The following OAS1 variants were observed in gnomAD, a reference collection of about 807,000 sequenced individuals.
OAS1 encodes the protein 2'-5'-oligoadenylate synthetase 1.
A neutral mutation model predicts 38.5 loss-of-function variants in OAS1; 24 were observed. The ratio of observed to expected loss-of-function variants is 0.62; its 90% CI spans 0.45 to 0.88. The LOEUF is 0.88. Among genes scored for constraint, OAS1 ranks in the 40% least tolerant of loss-of-function variants. The pLI is 0.00. For synonymous variants in OAS1, 169 were observed against 193.9 expected, an observed-to-expected ratio of 0.87 and a Z score of 1.07; for missense variants, 482 against 493.9, an observed-to-expected ratio of 0.98 and a Z score of 0.23.
chr12:112,917,164 G>A (rs746655167), intron 4 of OAS1, among the ~76,000 whole-genome samples: 6 of 152,148 alleles, frequency 3.9e-5, no homozygotes, highest in Non-Finnish European at 7.3e-5. Flanking sequence ...TGTTCTAGTC[G>A]CTGTGCTGAG....
rs1321738528 is a variant in OAS1, at chr12:112,908,708, A to T, written c.353A>T (p.Lys118Met). The change falls in exon 2 of 6, where the codon AAG becomes ATG. Residue 118 changes from lysine to methionine, a missense_variant. By Grantham distance (95) the Lys-to-Met change is moderately conservative. Transcript: ENST00000202917. ...ACQRERAFSV[K>M]FEVQAPRWGN... ...CAAAGAGAGAGAGCATTTTCCGTGA[A>T]GTTTGAGGTCCAGGCTCCACGCTGG... 6.2e-7 allele frequency: 1 copy of T among 1,614,214 alleles called. No homozygotes were observed. Among genetic ancestry groups the T allele is most frequent in the Admixed American group, 1.7e-5 (1 of 60,026 alleles).
exon 7 of OAS1, chr12:112,932,068 C>T: frequency 1.6e-6 from 1 of 608,200 alleles, no homozygotes; most frequent in South Asian, 2.0e-5. Context: ...CAACCTCTCT[C>T]TCTACTTAAA....
In OAS1 at chr12:112,906,963, G is replaced by T; in HGVS notation, c.-77G>T. Reference sequence around the variant, plus strand: ...TTCTGAGGAAACGAAACCAACAGCAGTCCAAGCTCAGTCAGCAGAAGAGAT... The same window carrying T: ...TTCTGAGGAAACGAAACCAACAGCATTCCAAGCTCAGTCAGCAGAAGAGAT... On this transcript the variant is annotated 5_prime_UTR_variant, in exon 1 of 6. Transcript: ENST00000202917. 1.3e-6 allele frequency: 2 copies of T among 1,521,060 alleles called. No homozygotes were observed. Among genetic ancestry groups the T allele is most frequent in the Non-Finnish European group, 1.8e-6 (2 of 1,102,800 alleles). The allele number at this position is 1,521,060 out of a possible 1,614,324, so 94.2% of individuals were successfully genotyped here. A position where few individuals can be genotyped will look rare whatever the true frequency, so the allele number is the denominator to read the frequency against.
rs1409725773 is a variant in OAS1 at position 112,908,778 on chromosome 12, CG to C, written c.427del (p.Glu143ArgfsTer17). On this transcript the variant is annotated frameshift_variant, in exon 2 of 6. Transcript: ENST00000202917. LOFTEE classifies it high-confidence loss of function. ...LSFVLSSLQL[G>X]EGVEFDVLPA... The stretch of plus-strand genomic sequence containing the variant: ...GCTTCGTACTGAGTTCGCTCCAGCT[CG>C]GGGAGGGGGTGGAGTTCGATGTGCT... 64 of 1,609,214 alleles carry C rather than the reference CG, an allele frequency of 4.0e-5. 1 individual carries two copies. The highest frequency in any genetic ancestry group is 5.4e-5 in the Non-Finnish European group (63 of 1,176,372).
intron 6 of OAS1, among the ~76,000 whole-genome samples, chr12:112,927,864 G>A (rs1210222119): frequency 6.6e-6 from 1 of 152,158 alleles, no homozygotes; most frequent in Non-Finnish European, 1.5e-5. Context: ...GCTGGAAATA[G>A]AATCCAGCAT....
At chr12:112,932,035 G>A (rs757983012) in exon 7 of OAS1, 164 of 652,742 alleles carry the variant, frequency 2.5e-4, no homozygotes, top group African/African-American at 3.9e-4. Context: ...ATAAACAGAC[G>A]TCTCATAAAA....
At position 112,919,530 on chromosome 12, in the gene OAS1, G is replaced by A. The variant is rs778063812; in HGVS notation, c.1180G>A (p.Asp394Asn). 3 of 1,614,100 alleles carry A rather than the reference G, an allele frequency of 1.9e-6. No individual in the cohort carries two copies. Among genetic ancestry groups the A allele is most frequent in the Admixed American group, 1.7e-5 (1 of 59,998 alleles). The change falls in exon 6 of 6, where the codon GAC becomes AAC. Residue 394 changes from aspartate to asparagine, a missense_variant. Transcript: ENST00000202917. ...QAASTPQAEE[D>N]WTCTIL ...AGCATCCACCCCACAGGCAGAAGAG[G>A]ACTGGACCTGCACCATCCTCTGAAT... is the stretch of plus-strand genomic sequence containing the variant.
chr12:112,921,126 C>T (rs541493972), downstream of OAS1, among the ~76,000 whole-genome samples: 30 of 152,196 alleles, frequency 2.0e-4, no homozygotes, highest in Non-Finnish European at 2.9e-4. Flanking sequence ...CACCCTTCCT[C>T]GGTCTTTTTG....
At chr12:112,930,922 T>C (rs2043593061) in intron 6 of OAS1, among the ~76,000 whole-genome samples, 1 of 152,206 alleles carries the variant, frequency 6.6e-6, no homozygotes, top group South Asian at 2.1e-4. Context: ...CTCTCCTTGG[T>C]TAGCTGGCTG....
At chr12:112,925,749 G>T (rs893215703) in intron 6 of OAS1, among the ~76,000 whole-genome samples, 100 of 152,286 alleles carry the variant, frequency 6.6e-4, no homozygotes, top group African/African-American at 2.3e-3. Context: ...TCAAGCCGCT[G>T]CACTCCAGCC....
In OAS1 at chr12:112,919,725, T is replaced by C. The variant is rs1410744234; in HGVS notation, c.*172T>C. 6 of 1,496,218 alleles carry C rather than the reference T, an allele frequency of 4.0e-6. No individual in the cohort carries two copies. The East Asian group carries it at 1.2e-4, about 31-fold the overall frequency. 92.7% of individuals were successfully genotyped at this position (1,496,218 alleles called of 1,614,324 possible). ...GCCTTCTATGCCCTCTATCCTATCA[T>C]AGATAACATTCTCCACAGCCTCACT... On this transcript the variant is annotated 3_prime_UTR_variant, in exon 6 of 6. Coordinates refer to ENST00000202917, the MANE Select transcript of OAS1 (RefSeq NM_016816.4).
chr12:112,926,201 G>T (rs970409928), intron 6 of OAS1, among the ~76,000 whole-genome samples: 1 of 152,136 alleles, frequency 6.6e-6, no homozygotes, highest in Non-Finnish European at 1.5e-5. Flanking sequence ...TGCCCAGGCT[G>T]GTCTTGAACT....
intron 6 of OAS1, among the ~76,000 whole-genome samples, chr12:112,931,381 T>C: frequency 6.6e-6 from 1 of 152,218 alleles, no homozygotes; most frequent in East Asian, 1.9e-4. Context: ...TTTCCAGCTC[T>C]GTAACATCGA....
exon 7 of OAS1, chr12:112,932,049 A>T: frequency 1.6e-6 from 1 of 641,180 alleles, no homozygotes; most frequent in East Asian, 2.8e-5. Flanking sequence ...CATAAAATTA[A>T]TTGCAACCCA....
chr12:112,928,080 C>A (rs1468408790), intron 6 of OAS1, among the ~76,000 whole-genome samples: 1 of 152,196 alleles, frequency 6.6e-6, no homozygotes, highest in Non-Finnish European at 1.5e-5. Flanking sequence ...AGCCTAGTGC[C>A]AGGATCTTTA....
intron 4 of OAS1, among the ~76,000 whole-genome samples, chr12:112,917,286 A>C (rs1465057457): frequency 6.6e-6 from 1 of 152,120 alleles, no homozygotes; most frequent in Non-Finnish European, 1.5e-5. Flanking sequence ...AGTTCAAGTG[A>C]CCTACCCAAG....
At chr12:112,922,009 G>T (rs768291684), downstream of OAS1, among the ~76,000 whole-genome samples, 23 of 152,136 alleles carry the variant, frequency 1.5e-4, no homozygotes, top group African/African-American at 2.2e-4. Context: ...GCCTGACTTG[G>T]CCAGGGCTCC....
intron 5 of OAS1, 183 bp downstream of exon 5, chr12:112,917,883 A>G (rs908170578): frequency 4.2e-5 from 62 of 1,477,610 alleles, no homozygotes; most frequent in Non-Finnish European, 3.6e-5. Context: ...GGGTTTCTGG[A>G]ATTTTCACAT....
In OAS1 at chr12:112,917,700, G is replaced by T. The variant is rs1312370990; in HGVS notation, c.1038G>T (p.Leu346=). The T allele has an allele frequency of 6.2e-7, 1 of 1,614,178 alleles. No individual in the cohort carries two copies. The highest frequency in any genetic ancestry group is 8.5e-7 in the Non-Finnish European group (1 of 1,180,030). ...CCCCAGTGAGCTCCTGGATTCTGCT[G>T]GTGAGACCTCCTGCTTCCTCCCTGC... The part of the protein sequence containing the change: ...DGSPVSSWIL[L]AESNSADDET... Residue 346 remains leucine, a splice_region_variant and synonymous_variant, in exon 5 of 6, where the codon CTG becomes CTT. Transcript: ENST00000202917.
Sources: gnomAD v4.1 joint callset for allele counts (sites outside exome capture counted in the v4.1 genomes callset) on GRCh38, gnomAD v4.1.1 for gene constraint, MANE v1.5 for transcripts, NCBI Gene and HGNC (gene_info 2026-07-23, HGNC 2026-07-21) for gene names.